NEK1: variants seen among roughly 807,000 people sequenced by gnomAD.
NEK1 encodes NIMA related kinase 1, also known as serine/threonine-protein kinase Nek1.
A neutral mutation model predicts 182.1 loss-of-function variants in NEK1; 137 were observed. The ratio of observed to expected loss-of-function variants is 0.75; its 90% CI spans 0.65 to 0.87. NEK1 has a LOEUF of 0.87. Among genes scored for constraint, NEK1 ranks in the 40% least tolerant of loss-of-function variants. The pLI is 0.00. For missense variants in NEK1, 1,391 were observed against 1,494.4 expected (o/e 0.93, Z 1.14); for synonymous variants, 513 against 492.2 (o/e 1.04, Z -0.56).
chr4:169,601,923 T>C, intron 4 of NEK1, 85 bp downstream of exon 4: 1 of 921,798 alleles, frequency 1.1e-6, no homozygotes, highest in Non-Finnish European at 1.8e-6. Flanking sequence ...TAAGCAAAAA[T>C]GGTATCTTTT....
At chr4:169,537,719 G>T in intron 19 of NEK1, 90 bp downstream of exon 19, 1 of 958,424 alleles carries the variant, frequency 1.0e-6, no homozygotes, top group Non-Finnish European at 1.7e-6. Flanking sequence ...TTGTTAGACT[G>T]TCATTCTTTT....
chr4:169,463,614 TA>T (rs1277487769), intron 26 of NEK1, among the ~76,000 whole-genome samples: 13 of 152,274 alleles, frequency 8.5e-5, no homozygotes, highest in Admixed American at 2.6e-4. Flanking sequence ...GAATATGAAT[TA>T]AATTCTAGTT....
chr4:169,551,684 A>G (rs2149888385), intron 18 of NEK1, among the ~76,000 whole-genome samples: 1 of 152,236 alleles, frequency 6.6e-6, no homozygotes, highest in South Asian at 2.1e-4. Context: ...ATCAGCAGTG[A>G]CCACCACTAT....
intron 11 of NEK1, 52 bp from the exon 12 acceptor site, chr4:169,577,131 T>C (rs114186464): frequency 1.9e-6 from 3 of 1,557,450 alleles, no homozygotes; most frequent in African/African-American, 1.4e-5. Context: ...CATTAACTCT[T>C]TACTTTCAGA....
intron 24 of NEK1, chr4:169,478,448 T>C (rs1021287224): frequency 1.3e-5 from 2 of 152,086 alleles, no homozygotes; most frequent in Non-Finnish European, 2.9e-5. Flanking sequence ...CACACAGTGG[T>C]ATCTAAAGTT....
chr4:169,418,793 G>T (rs944836946), intron 31 of NEK1, among the ~76,000 whole-genome samples: 1 of 152,096 alleles, frequency 6.6e-6, no homozygotes, highest in Non-Finnish European at 1.5e-5. Flanking sequence ...TGGAGTCACA[G>T]AAAAGGTAGT....
intron 26 of NEK1, among the ~76,000 whole-genome samples, chr4:169,463,602 T>C (rs1232966101): frequency 6.6e-6 from 1 of 152,172 alleles, no homozygotes; most frequent in African/African-American, 2.4e-5. Context: ...AATTGCCTTG[T>C]AGAATATGAA....
At chr4:169,583,955 T>C (rs866359643) in intron 10 of NEK1, among the ~76,000 whole-genome samples, 1 of 152,216 alleles carries the variant, frequency 6.6e-6, no homozygotes, top group Middle Eastern at 3.2e-3. Flanking sequence ...GGATATATGA[T>C]ACTTCCTTCT....
chr4:169,402,257 T>C (rs1009823412), intron 32 of NEK1, among the ~76,000 whole-genome samples: 1 of 152,234 alleles, frequency 6.6e-6, no homozygotes. Flanking sequence ...TATTTTCTCT[T>C]TTATGGAATT....
chr4:169,488,960 A>G (rs1749550877), intron 23 of NEK1, among the ~76,000 whole-genome samples: 2 of 152,180 alleles, frequency 1.3e-5, no homozygotes, highest in Non-Finnish European at 2.9e-5. Context: ...TATGCCCTTC[A>G]TCTAGACGAG....
intron 19 of NEK1, among the ~76,000 whole-genome samples, chr4:169,527,359 G>A (rs1339956108): frequency 6.6e-6 from 1 of 151,990 alleles, no homozygotes; most frequent in Non-Finnish European, 1.5e-5. Flanking sequence ...TGAAACATTA[G>A]GAATGAAAGA....
chr4:169,427,872 T>G (rs1736675012), intron 29 of NEK1, among the ~76,000 whole-genome samples: 1 of 152,070 alleles, frequency 6.6e-6, no homozygotes, highest in Admixed American at 6.6e-5. Context: ...CAGTCTGGAG[T>G]GCAGTGGAAT....
intron 19 of NEK1, among the ~76,000 whole-genome samples, chr4:169,530,692 T>C (rs10019141): frequency 0.28 from 42,496 of 150,870 alleles, 8,520 homozygotes; most frequent in African/African-American, 0.57. Flanking sequence ...AAATATAAAA[T>C]GGTTGCCAAG....
At chr4:169,479,073 G>A (rs1747499205) in intron 24 of NEK1, among the ~76,000 whole-genome samples, 1 of 152,100 alleles carries the variant, frequency 6.6e-6, no homozygotes, top group Non-Finnish European at 1.5e-5. Context: ...TCTTTTTAAA[G>A]TGAACATTTG....
chr4:169,509,206 T>C lies in NEK1; in HGVS notation c.1666-354A>G, dbSNP rs1218538538. On this transcript the variant is annotated intron_variant, in intron 19 of 35. Coordinates refer to ENST00000507142, the MANE Select transcript of NEK1 (RefSeq NM_001199397.3). Reference sequence around the variant, plus strand: ...TTTTCCTCTACAAACAGCCAATCCATTTCGACATATGTCTATATATATACT... The same window carrying C: ...TTTTCCTCTACAAACAGCCAATCCACTTCGACATATGTCTATATATATACT... Among the ~76,000 whole-genome samples, 4 of 152,242 alleles carry C rather than the reference T, an allele frequency of 2.6e-5. No homozygotes were observed. In the South Asian group the frequency reaches 6.2e-4, roughly 24 times the overall value.
chr4:169,600,283 G>A (rs960536901), intron 4 of NEK1, among the ~76,000 whole-genome samples: 3 of 151,950 alleles, frequency 2.0e-5, no homozygotes, highest in South Asian at 2.1e-4. Flanking sequence ...TCGACCTCCC[G>A]AGCTCAAGCA....
At chr4:169,518,342 G>A (rs1379190007) in intron 19 of NEK1, among the ~76,000 whole-genome samples, 4 of 107,336 alleles carry the variant, frequency 3.7e-5, no homozygotes, top group Non-Finnish European at 7.2e-5. Flanking sequence ...CTGTGGGATC[G>A]GTGGTGATAT....
chr4:169,508,758 G>T lies in NEK1; in HGVS notation c.1749+11C>A. 1 of 1,556,750 alleles carries T rather than the reference G, an allele frequency of 6.4e-7. No homozygotes were observed. The highest frequency in any genetic ancestry group is 2.3e-5 in the East Asian group (1 of 43,644). ...TATGTGATGGAGGTAGCGAACATGC[G>T]GGAAGCATACCTCTTCCTCTTTGTT... On this transcript the variant is annotated intron_variant, in intron 20 of 35. Transcript: ENST00000507142.
At chr4:169,439,827 A>G (rs1331021405) in intron 27 of NEK1, among the ~76,000 whole-genome samples, 1 of 148,842 alleles carries the variant, frequency 6.7e-6, no homozygotes, top group African/African-American at 2.5e-5. Flanking sequence ...GGGAAGGAAG[A>G]GGAGGAGGTT....
Sources: allele counts gnomAD v4.1 joint callset (sites outside exome capture counted in the v4.1 genomes callset), GRCh38; gene constraint gnomAD v4.1.1; transcripts MANE v1.5; gene names NCBI Gene and HGNC (gene_info 2026-07-23, HGNC 2026-07-21).